MDM2: variants seen among roughly 807,000 people sequenced by gnomAD.
MDM2 encodes the protein E3 ubiquitin-protein ligase Mdm2.
A neutral mutation model predicts 64.3 loss-of-function variants in MDM2; 11 were observed. The ratio of observed to expected loss-of-function variants is 0.17; its 90% CI spans 0.11 to 0.28. The LOEUF (loss-of-function observed/expected upper bound fraction) is 0.28. MDM2 is among the 10% of genes least tolerant of loss of function. The pLI is 1.00. For missense variants in MDM2, 388 were observed against 577.1 expected, an observed-to-expected ratio of 0.67 and a Z score of 3.36; for synonymous variants, 194 against 192.9, an observed-to-expected ratio of 1.01 and a Z score of -0.05.
chr12:68,840,769 A>C lies in MDM2; in HGVS notation c.*920A>C, dbSNP rs991438655. ...GAGGTCACCCGCCTCGGCCTCCCGA[A>C]GTGCTGGGATTGCAGATGTGAGCCA... On this transcript the variant is annotated 3_prime_UTR_variant, in exon 11 of 11. Coordinates refer to ENST00000258149, the MANE Select transcript of MDM2 (RefSeq NM_002392.6). The C allele has an allele frequency of 1.8e-5, 3 of 165,716 alleles. No homozygotes were observed. Among genetic ancestry groups the C allele is most frequent in the Non-Finnish European group, 2.6e-5 (2 of 76,504 alleles). The allele number at this position is 165,716 out of a possible 1,614,324, so 10.3% of individuals were successfully genotyped here.
intron 8 of MDM2, among the ~76,000 whole-genome samples, chr12:68,833,142 AAAAAAAAATAT>A (rs1257706261): frequency 4.5e-5 from 5 of 110,004 alleles, no homozygotes; most frequent in Admixed American, 2.0e-4. Context: ...AAAAAAAAAA[AAAAAAAAATAT>A]ATATATATAT....
chr12:68,820,112 T>C (rs1881719954), intron 4 of MDM2, among the ~76,000 whole-genome samples: 1 of 152,202 alleles, frequency 6.6e-6, no homozygotes, highest in Non-Finnish European at 1.5e-5. Context: ...AGAGAGACTT[T>C]AGTAATTATT....
chr12:68,816,461 C>T (rs1881391567), intron 3 of MDM2, among the ~76,000 whole-genome samples: 1 of 145,650 alleles, frequency 6.9e-6, no homozygotes, highest in Non-Finnish European at 1.5e-5. Context: ...CAGCCTCCAC[C>T]TCCTGGGTTC....
Position 68,841,711 on chromosome 12 carries a change from C to T in MDM2, c.*1862C>T, listed in dbSNP as rs538240593. ...TTGCTTAAGGCCAGTTTTAGAAACC[C>T]GTGAATTCAGAAAAGTTAATTCAGA... On this transcript the variant is annotated 3_prime_UTR_variant, in exon 11 of 11. Coordinates refer to ENST00000258149, the MANE Select transcript of MDM2 (RefSeq NM_002392.6). 5.8e-4 allele frequency: 120 copies of T among 206,232 alleles called. 1 individual carries two copies. Among genetic ancestry groups the T allele is most frequent in the Admixed American group, 5.8e-3 (98 of 16,882 alleles). 12.8% of individuals were successfully genotyped at this position (206,232 alleles called of 1,614,324 possible).
chr12:68,836,607 C>A, intron 9 of MDM2, 65 bp from the exon 10 acceptor site: 2 of 1,086,724 alleles, frequency 1.8e-6, no homozygotes, highest in Non-Finnish European at 2.9e-6. Context: ...GGACTTATTA[C>A]TAGGAAGCCT....
chr12:68,818,559 TATAC>T (rs2136124865), intron 4 of MDM2, among the ~76,000 whole-genome samples: 1 of 148,184 alleles, frequency 6.7e-6, no homozygotes, highest in South Asian at 2.1e-4. Context: ...TATATTATAA[TATAC>T]ATATAATATA....
downstream of MDM2, chr12:68,847,275 C>G (rs1884384568): frequency 7.1e-6 from 1 of 141,594 alleles, no homozygotes; most frequent in African/African-American, 2.8e-5. Context: ...TGGGCTCAAG[C>G]AATCCTCGTG....
In MDM2 at chr12:68,841,847, A is replaced by G. The variant is rs1883793677; in HGVS notation, c.*1998A>G. On this transcript the variant is annotated 3_prime_UTR_variant, in exon 11 of 11. Transcript: ENST00000258149. ...TTCCTTCAAGAATGACAGGGTCAGC[A>G]TGTGGAATTCCAAGATACCTCTTGA... 4.7e-6 allele frequency: 1 copy of G among 212,848 alleles called. No homozygotes were observed. The highest frequency in any genetic ancestry group is 9.6e-6 in the Non-Finnish European group (1 of 104,564). The allele number at this position is 212,848 out of a possible 1,614,324, so 13.2% of individuals were successfully genotyped here. A position where few individuals can be genotyped will look rare whatever the true frequency, so the allele number is the denominator to read the frequency against.
downstream of MDM2, chr12:68,849,399 T>TTGG (rs796284652): frequency 7.7e-6 from 1 of 129,090 alleles, no homozygotes. Context: ...CGTTTTTTTT[T>TTGG]TTGTTGTTGT....
chr12:68,813,460 TC>T, intron 2 of MDM2, 93 bp from the exon 3 acceptor site: 1 of 779,764 alleles, frequency 1.3e-6, no homozygotes, highest in South Asian at 1.7e-5. Flanking sequence ...TTTTTCCAAA[TC>T]CCCTTTATTG....
chr12:68,811,367 G>A (rs1231739535), intron 2 of MDM2, among the ~76,000 whole-genome samples: 1 of 152,012 alleles, frequency 6.6e-6, no homozygotes, highest in Non-Finnish European at 1.5e-5. Context: ...AGTAAAATTT[G>A]TTGGCTTTTG....
intron 1 of MDM2, among the ~76,000 whole-genome samples, chr12:68,808,717 C>G (rs1343529161): frequency 1.8e-5 from 2 of 111,630 alleles, no homozygotes; most frequent in African/African-American, 6.9e-5. Flanking sequence ...ACGGCTCTCG[C>G]GGCGGTGGGG....
rs1883940890 is a variant in MDM2, at chr12:68,843,106, T to TA, written c.*3260dup. Reference sequence around the variant, plus strand: ...TTTGTTGTGTGGGTTTTTTTTTTTTTAAAGCCACACAATAATTTTGGAAAA... The same window carrying TA: ...TTTGTTGTGTGGGTTTTTTTTTTTTTAAAAGCCACACAATAATTTTGGAAAA... On this transcript the variant is annotated 3_prime_UTR_variant, in exon 11 of 11. Transcript: ENST00000258149. The TA allele has an allele frequency of 1.6e-4, 35 of 217,926 alleles. No homozygotes were observed. Among genetic ancestry groups the TA allele is most frequent in the African/African-American group, 6.8e-4 (30 of 43,990 alleles). The allele number at this position is 217,926 out of a possible 1,614,324, so 13.5% of individuals were successfully genotyped here. A position where few individuals can be genotyped will look rare whatever the true frequency, so the allele number is the denominator to read the frequency against.
At chr12:68,818,051 C>T (rs554198542) in intron 4 of MDM2, among the ~76,000 whole-genome samples, 3 of 152,216 alleles carry the variant, frequency 2.0e-5, no homozygotes, top group East Asian at 3.9e-4. Context: ...GCCATGGCCT[C>T]CCAAAGTGCT....
chr12:68,832,810 C>G (rs1336879147), intron 8 of MDM2, among the ~76,000 whole-genome samples: 8 of 151,862 alleles, frequency 5.3e-5, no homozygotes, highest in African/African-American at 1.9e-4. Flanking sequence ...GAGCCACCAC[C>G]TCCAGCCTGA....
intron 10 of MDM2, among the ~76,000 whole-genome samples, chr12:68,837,801 T>C (rs892388657): frequency 6.6e-6 from 1 of 152,160 alleles, no homozygotes; most frequent in Non-Finnish European, 1.5e-5. Flanking sequence ...TATTGTGCTT[T>C]AGTTTTTGTT....
chr12:68,849,920 A>T (rs1884586014), downstream of MDM2: 1 of 152,170 alleles, frequency 6.6e-6, no homozygotes, highest in Non-Finnish European at 1.5e-5. Context: ...GTAGACTCTT[A>T]ACAGCGCTGA....
In MDM2 at chr12:68,839,489, G is replaced by C; in HGVS notation, c.1134G>C (p.Glu378Asp). 1.2e-6 allele frequency: 2 copies of C among 1,613,992 alleles called. No individual in the cohort carries two copies. The highest frequency in any genetic ancestry group is 1.7e-6 in the Non-Finnish European group (2 of 1,180,018). ...CKKTIVNDSR[E>D]SCVEENDDKI... ...AAACTATAGTGAATGATTCCAGAGA[G>C]TCATGTGTTGAGGAAAATGATGATA... Residue 378 changes from glutamate (E) to aspartate (D), a missense_variant, in exon 11 of 11, where the codon GAG becomes GAC. Glu to Asp is a conservative substitution (Grantham distance 45, BLOSUM62 2). Transcript: ENST00000258149.
Position 68,839,469 on chromosome 12 carries a change from A to G in MDM2, c.1114A>G (p.Ile372Val), listed in dbSNP as rs562818818. The G allele has an allele frequency of 6.4e-5, 103 of 1,614,020 alleles. No homozygotes were observed. The South Asian group carries it at 8.1e-4, about 13-fold the overall frequency. ...GFDVPDCKKT[I>V]VNDSRESCVE... ...TGATGTTCCTGATTGTAAAAAAACT[A>G]TAGTGAATGATTCCAGAGAGTCATG... Residue 372 changes from isoleucine (I) to valine (V), a missense_variant, in exon 11 of 11, where the codon ATA becomes GTA. Around this residue, in one of 5 missense-constraint regions of MDM2, gnomAD observed 138 missense variants for 143.7 expected, o/e 0.96. Coordinates refer to ENST00000258149, the MANE Select transcript of MDM2 (RefSeq NM_002392.6).
Sources: gnomAD v4.1 joint callset for allele counts (sites outside exome capture counted in the v4.1 genomes callset) on GRCh38, gnomAD v4.1.1 for gene constraint, gnomAD v4.1.1 regional missense constraint, MANE v1.5 for transcripts, NCBI Gene and HGNC (gene_info 2026-07-23, HGNC 2026-07-21) for gene names.